CDIN1: variants seen among roughly 807,000 people sequenced by gnomAD.
The protein encoded by CDIN1 is CDAN1-interacting nuclease 1.
In CDIN1, 33 loss-of-function variants were observed where a neutral mutation model predicts 45.3. That is an observed-to-expected ratio of 0.73 (90% confidence interval 0.55 to 0.97). The LOEUF is 0.97. CDIN1 is among the 50% of genes least tolerant of loss of function. The pLI, the probability that CDIN1 is intolerant of heterozygous loss-of-function variation, is 0.00. For synonymous variants in CDIN1, 118 were observed against 124.4 expected (o/e 0.95, Z 0.34); for missense variants, 303 against 339.4 (o/e 0.89, Z 0.84).
intron 10 of CDIN1, among the ~76,000 whole-genome samples, chr15:36,765,840 C>G (rs1220976984): frequency 6.6e-6 from 1 of 152,140 alleles, no homozygotes; most frequent in Admixed American, 6.5e-5. Flanking sequence ...GACATACACA[C>G]TACTCCAAAA....
chr15:36,675,055 G>A (rs149090894), intron 5 of CDIN1, among the ~76,000 whole-genome samples: 1 of 151,978 alleles, frequency 6.6e-6, no homozygotes, highest in Non-Finnish European at 1.5e-5. Flanking sequence ...AGTTCGTGAG[G>A]CCACTGAAAT....
At chr15:36,588,152 A>G (rs2037393913) in intron 1 of CDIN1, among the ~76,000 whole-genome samples, 1 of 152,196 alleles carries the variant, frequency 6.6e-6, no homozygotes, top group Admixed American at 6.5e-5. Context: ...ATGGCTGAAC[A>G]TGTAAGATTT....
At chr15:36,680,110 A>G (rs183318702) in intron 5 of CDIN1, among the ~76,000 whole-genome samples, 44 of 152,326 alleles carry the variant, frequency 2.9e-4, no homozygotes, top group African/African-American at 1.1e-3. Context: ...ACATCATGGC[A>G]GCTGTTGGAG....
At chr15:36,679,110 G>A (rs374343709) in intron 5 of CDIN1, among the ~76,000 whole-genome samples, 6 of 1,678 alleles carry the variant, frequency 3.6e-3, no homozygotes, top group African/African-American at 4.0e-3. Flanking sequence ...CTTCTACCTA[G>A]TTCTTTTCAA....
intron 2 of CDIN1, among the ~76,000 whole-genome samples, chr15:36,644,575 A>G (rs2040237359): frequency 6.6e-6 from 1 of 152,066 alleles, no homozygotes; most frequent in East Asian, 1.9e-4. Context: ...TCTGACAATA[A>G]TAATTTCCCT....
At chr15:36,691,349 T>A (rs113208413) in intron 5 of CDIN1, 1 of 281,258 alleles carries the variant, frequency 3.6e-6, no homozygotes, top group South Asian at 3.8e-5. Flanking sequence ...AATAACTACC[T>A]GCAAAAGGTA....
chr15:36,695,566 G>C (rs1056394550), intron 7 of CDIN1, among the ~76,000 whole-genome samples: 3 of 152,108 alleles, frequency 2.0e-5, no homozygotes, highest in African/African-American at 7.2e-5. Flanking sequence ...TGACTAAAAG[G>C]CTGGGTGCAG....
At chr15:36,720,580 A>T (rs376324689) in intron 10 of CDIN1, among the ~76,000 whole-genome samples, 1 of 152,106 alleles carries the variant, frequency 6.6e-6, no homozygotes, top group Middle Eastern at 3.2e-3. Context: ...TGCCAGCTTC[A>T]TCCATGTCCC....
intron 1 of CDIN1, among the ~76,000 whole-genome samples, chr15:36,589,680 A>G (rs2037480076): frequency 6.6e-6 from 1 of 151,938 alleles, no homozygotes; most frequent in Admixed American, 6.6e-5. Flanking sequence ...TAATTTTTGT[A>G]TTTTTAGTAG....
intron 7 of CDIN1, among the ~76,000 whole-genome samples, chr15:36,695,206 A>C (rs1376509890): frequency 6.6e-6 from 1 of 150,744 alleles, no homozygotes; most frequent in Non-Finnish European, 1.5e-5. Context: ...TTCTCTAGGA[A>C]TTTTTTTTTT....
chr15:36,668,246 A>G (rs1425392148), intron 5 of CDIN1: 1 of 152,166 alleles, frequency 6.6e-6, no homozygotes, highest in Non-Finnish European at 1.5e-5. Flanking sequence ...TAATGTACCT[A>G]CCATTTCCTT....
intron 5 of CDIN1, among the ~76,000 whole-genome samples, chr15:36,670,854 G>A (rs966724351): frequency 1.3e-5 from 2 of 151,840 alleles, no homozygotes; most frequent in African/African-American, 4.8e-5. Context: ...ATGATATTTT[G>A]TATATTTAGT....
intron 10 of CDIN1, among the ~76,000 whole-genome samples, chr15:36,791,973 C>A (rs1178098547): frequency 1.3e-5 from 2 of 152,138 alleles, no homozygotes; most frequent in Non-Finnish European, 2.9e-5. Context: ...AAAATAAACA[C>A]ATATTAATCA....
chr15:36,733,783 G>T (rs570742909), intron 10 of CDIN1, among the ~76,000 whole-genome samples: 1 of 152,076 alleles, frequency 6.6e-6, no homozygotes, highest in African/African-American at 2.4e-5. Context: ...CAGTCTTTTC[G>T]CATATGATCT....
Position 36,613,869 on chromosome 15 carries a change from G to A in CDIN1, c.102-30409G>A, listed in dbSNP as rs1202777520. 4.4e-6 allele frequency: 7 copies of A among 1,580,374 alleles called. No individual in the cohort carries two copies. In the South Asian group the frequency reaches 5.5e-5, roughly 12 times the overall value. On this transcript the variant is annotated intron_variant, in intron 1 of 10. Coordinates refer to ENST00000566621, the MANE Select transcript of CDIN1 (RefSeq NM_001321759.2). ...AAGTATGAAGAGGTGGCTTGTAAGT[G>A]GGTGATCACTGAAGGAGACTTGGAA...
At chr15:36,613,269 G>A (rs2038733369) in intron 1 of CDIN1, among the ~76,000 whole-genome samples, 1 of 152,194 alleles carries the variant, frequency 6.6e-6, no homozygotes, top group Non-Finnish European at 1.5e-5. Flanking sequence ...GGAATGAGAG[G>A]AGGAGGGTCA....
intron 5 of CDIN1, among the ~76,000 whole-genome samples, chr15:36,673,597 T>G (rs2041531374): frequency 6.6e-6 from 1 of 152,136 alleles, no homozygotes; most frequent in African/African-American, 2.4e-5. Context: ...TGCAAATTTC[T>G]TGTACAAAAT....
At chr15:36,723,480 T>G (rs969402673) in intron 10 of CDIN1, among the ~76,000 whole-genome samples, 18 of 152,200 alleles carry the variant, frequency 1.2e-4, no homozygotes, top group African/African-American at 4.3e-4. Flanking sequence ...CATATTGAAC[T>G]CAACACTAGA....
In CDIN1 at chr15:36,654,019, T is replaced by C; in HGVS notation, c.213-79T>C. 2.9e-6 allele frequency: 3 copies of C among 1,045,676 alleles called. No individual in the cohort carries two copies. The Admixed American group carries it at 6.1e-5, about 21-fold the overall frequency. The allele number at this position is 1,045,676 out of a possible 1,614,324, so 64.8% of individuals were successfully genotyped here. On this transcript the variant is annotated intron_variant, in intron 3 of 10. Transcript: ENST00000566621. ...GTGGCATTTGTCCAGGAGAAACATG[T>C]ATACACACAGGGGATGCTGACAAGT...
Sources: gnomAD v4.1 joint callset for allele counts (sites outside exome capture counted in the v4.1 genomes callset) on GRCh38, gnomAD v4.1.1 for gene constraint, MANE v1.5 for transcripts, NCBI Gene and HGNC (gene_info 2026-07-23, HGNC 2026-07-21) for gene names.